Variants in CAMK2D observed in about 807,000 individuals in gnomAD.
The protein encoded by CAMK2D is calcium/calmodulin-dependent protein kinase type II subunit delta.
In CAMK2D, 37 loss-of-function variants were observed where a neutral mutation model predicts 84.0. The observed-to-expected ratio is 0.44, with a 90% CI of 0.34 to 0.58. CAMK2D has a LOEUF of 0.58. CAMK2D is among the 20% of genes least tolerant of loss of function. CAMK2D has a pLI of 0.02. For missense variants in CAMK2D, 448 were observed against 652.5 expected (o/e 0.69, Z 3.41); for synonymous variants, 202 against 212.5 (o/e 0.95, Z 0.43).
intron 4 of CAMK2D, among the ~76,000 whole-genome samples, chr4:113,552,546 C>T (rs2098636466): frequency 6.6e-6 from 1 of 152,122 alleles, no homozygotes; most frequent in African/African-American, 2.4e-5. Context: ...AAAACACACA[C>T]ATAAAAATAG....
chr4:113,703,531 C>T lies in CAMK2D; in HGVS notation c.161-41759G>A, dbSNP rs146798921. ...AGAGATGCGGTATTGCTATGTTGCC[C>T]AGGCTGGTCTTGAACTCCTGGGCTC... On this transcript the variant is annotated intron_variant, in intron 2 of 20. Coordinates refer to ENST00000511664, the MANE Select transcript of CAMK2D (RefSeq NM_001321571.2). 4.7e-3 allele frequency among the ~76,000 whole-genome samples: 716 copies of T among 152,208 alleles called. 7 individuals are homozygous for T. The highest frequency in any genetic ancestry group is 0.016 in the African/African-American group (675 of 41,508).
intron 2 of CAMK2D, among the ~76,000 whole-genome samples, chr4:113,667,900 T>C (rs891035244): frequency 2.0e-5 from 3 of 152,214 alleles, no homozygotes; most frequent in South Asian, 2.1e-4. Context: ...TTGTTCTTCT[T>C]TTCATGGCAA....
intron 2 of CAMK2D, among the ~76,000 whole-genome samples, chr4:113,719,324 GTCCCC>G (rs2099523214): frequency 6.6e-6 from 1 of 152,266 alleles, no homozygotes. Context: ...AACATGGTAA[GTCCCC>G]TCTGCTTTAA....
intron 4 of CAMK2D, among the ~76,000 whole-genome samples, chr4:113,605,606 A>C (rs914085518): frequency 6.6e-6 from 1 of 152,238 alleles, no homozygotes; most frequent in Non-Finnish European, 1.5e-5. Context: ...TTGATCTGCA[A>C]AACAAAGATC....
chr4:113,619,665 C>T (rs2099036854), intron 3 of CAMK2D, among the ~76,000 whole-genome samples: 1 of 152,172 alleles, frequency 6.6e-6, no homozygotes, highest in African/African-American at 2.4e-5. Flanking sequence ...ATGGCCTCAT[C>T]TGTTTTAAGT....
At chr4:113,700,863 T>C (rs190968293) in intron 2 of CAMK2D, among the ~76,000 whole-genome samples, 1 of 152,310 alleles carries the variant, frequency 6.6e-6, no homozygotes, top group East Asian at 1.9e-4. Flanking sequence ...GTATCCTTCC[T>C]ACCCTCTTCA....
intron 4 of CAMK2D, among the ~76,000 whole-genome samples, chr4:113,574,608 C>G (rs1373054209): frequency 6.6e-6 from 1 of 152,166 alleles, no homozygotes; most frequent in Non-Finnish European, 1.5e-5. Context: ...ACTTTTAATG[C>G]CATGCAATCA....
chr4:113,736,783 C>T (rs545397169), intron 2 of CAMK2D, among the ~76,000 whole-genome samples: 1 of 152,148 alleles, frequency 6.6e-6, no homozygotes, highest in African/African-American at 2.4e-5. Context: ...AAAATGTATA[C>T]TACAAAGCTA....
At chr4:113,734,308 C>G (rs2099576061) in intron 2 of CAMK2D, among the ~76,000 whole-genome samples, 1 of 152,000 alleles carries the variant, frequency 6.6e-6, no homozygotes, top group Non-Finnish European at 1.5e-5. Flanking sequence ...ATTAAATGGG[C>G]ATGAAAAATC....
Position 113,452,502 on chromosome 4 carries a change from G to T in CAMK2D, c.*2043C>A, listed in dbSNP as rs929384062. 1 of 152,576 alleles carries T rather than the reference G, an allele frequency of 6.6e-6. No individual in the cohort carries two copies. Among genetic ancestry groups the T allele is most frequent in the African/African-American group, 2.4e-5 (1 of 41,424 alleles). The allele number at this position is 152,576 out of a possible 1,614,324, so 9.5% of individuals were successfully genotyped here. ...CAAGAAATATATACAGTGTCCCATG[G>T]TAAACTGCAGTGTTTCAAAATGATA... is the stretch of plus-strand genomic sequence containing the variant. On this transcript the variant is annotated 3_prime_UTR_variant, in exon 21 of 21. Coordinates refer to ENST00000511664, the MANE Select transcript of CAMK2D (RefSeq NM_001321571.2).
intron 9 of CAMK2D, among the ~76,000 whole-genome samples, chr4:113,516,239 A>G (rs2098281868): frequency 6.6e-6 from 1 of 152,156 alleles, no homozygotes; most frequent in South Asian, 2.1e-4. Flanking sequence ...AACAATTGCC[A>G]TTTTTTAATT....
chr4:113,644,954 A>C (rs761817487), intron 3 of CAMK2D, among the ~76,000 whole-genome samples: 20 of 152,314 alleles, frequency 1.3e-4, no homozygotes, highest in South Asian at 4.2e-4. Context: ...TGCCAAATTC[A>C]GCTCACCACC....
chr4:113,624,757 T>C (rs1326605909), intron 3 of CAMK2D, among the ~76,000 whole-genome samples: 1 of 152,206 alleles, frequency 6.6e-6, no homozygotes, highest in African/African-American at 2.4e-5. Context: ...TGAGTCAGTG[T>C]CTTAAACCAA....
chr4:113,724,096 G>T (rs1346252177), intron 2 of CAMK2D, among the ~76,000 whole-genome samples: 1 of 151,888 alleles, frequency 6.6e-6, no homozygotes, highest in Non-Finnish European at 1.5e-5. Context: ...TTTGGATTCT[G>T]TGTTTATTCA....
intron 15 of CAMK2D, 93 bp downstream of exon 15, chr4:113,502,843 T>C (rs371280268): frequency 2.2e-6 from 2 of 897,762 alleles, no homozygotes. Context: ...AGAATTTTCT[T>C]TCCTATTTTT....
At chr4:113,642,776 G>A (rs2099137481) in intron 3 of CAMK2D, among the ~76,000 whole-genome samples, 1 of 150,718 alleles carries the variant, frequency 6.6e-6, no homozygotes, top group Non-Finnish European at 1.5e-5. Context: ...CTGCTAGAAA[G>A]GCACCAACTG....
chr4:113,581,616 T>A (rs566743831), intron 4 of CAMK2D, among the ~76,000 whole-genome samples: 1 of 151,646 alleles, frequency 6.6e-6, no homozygotes, highest in South Asian at 2.1e-4. Flanking sequence ...CTTTAAAAGG[T>A]CTGAAATTTT....
At chr4:113,664,362 C>A (rs941430816) in intron 2 of CAMK2D, among the ~76,000 whole-genome samples, 3 of 152,190 alleles carry the variant, frequency 2.0e-5, no homozygotes, top group Non-Finnish European at 4.4e-5. Flanking sequence ...CTGGGCATAT[C>A]TTAACTGAGC....
At chr4:113,653,629 T>C (rs1239890153) in intron 3 of CAMK2D, among the ~76,000 whole-genome samples, 1 of 152,090 alleles carries the variant, frequency 6.6e-6, no homozygotes, top group Non-Finnish European at 1.5e-5. Flanking sequence ...ACTATTAACT[T>C]TGTTTTCTCA....
Sources: allele counts gnomAD v4.1 joint callset (sites outside exome capture counted in the v4.1 genomes callset), GRCh38; gene constraint gnomAD v4.1.1; transcripts MANE v1.5; gene names NCBI Gene and HGNC (gene_info 2026-07-23, HGNC 2026-07-21).